The following PPM1L variants were observed in gnomAD, a reference collection of about 807,000 sequenced individuals.
The protein encoded by PPM1L is protein phosphatase 1L.
A neutral mutation model predicts 31.4 loss-of-function variants in PPM1L; 13 were observed. That is an observed-to-expected ratio of 0.41 (90% CI 0.27 to 0.66). The LOEUF (loss-of-function observed/expected upper bound fraction) is 0.66, where lower values mean the gene tolerates loss of function less well. Ranked by LOEUF, PPM1L falls within the 30% of genes least tolerant of loss-of-function variation. PPM1L has a pLI of 0.29. For missense variants in PPM1L, 326 were observed against 453.7 expected (o/e 0.72, Z 2.56); for synonymous variants, 184 against 175.4 (o/e 1.05, Z -0.39).
intron 1 of PPM1L, among the ~76,000 whole-genome samples, chr3:160,901,705 A>G (rs1019907822): frequency 6.6e-6 from 1 of 152,054 alleles, no homozygotes; most frequent in Non-Finnish European, 1.5e-5. Flanking sequence ...ATACTTGTTG[A>G]TGTCTGTGGG....
intron 1 of PPM1L, among the ~76,000 whole-genome samples, chr3:160,786,222 T>A (rs1378476752): frequency 3.3e-5 from 4 of 121,020 alleles, no homozygotes; most frequent in African/African-American, 9.9e-5. Context: ...TTTTTTTTTT[T>A]TTTTTTTTTT....
At chr3:160,824,100 A>G (rs755342678) in intron 1 of PPM1L, among the ~76,000 whole-genome samples, 1 of 152,180 alleles carries the variant, frequency 6.6e-6, no homozygotes, top group Non-Finnish European at 1.5e-5. Flanking sequence ...CCCCAAGGTC[A>G]CGGTATTTGG....
chr3:160,756,238 C>G lies in PPM1L; in HGVS notation c.-71C>G. 6.6e-7 allele frequency: 1 copy of G among 1,524,480 alleles called. No individual in the cohort carries two copies. Among genetic ancestry groups the G allele is most frequent in the Non-Finnish European group, 8.9e-7 (1 of 1,123,822 alleles). The allele number at this position is 1,524,480 out of a possible 1,614,324, so 94.4% of individuals were successfully genotyped here. On this transcript the variant is annotated 5_prime_UTR_variant, in exon 1 of 4. Transcript: ENST00000498165. This position sits in a 1 kb window ranked among gnomAD's most constrained non-coding sequence, Gnocchi z 6.2. The stretch of plus-strand genomic sequence containing the variant: ...CCTCCCTCCCGGCGGGCTGTCCCCG[C>G]AGTGCTCCCGGACCCGGCGAGCCTT...
At chr3:160,795,195 A>C (rs1005574194) in intron 1 of PPM1L, among the ~76,000 whole-genome samples, 6 of 152,210 alleles carry the variant, frequency 3.9e-5, no homozygotes, top group African/African-American at 1.4e-4. Context: ...CCGATCCACC[A>C]ATAAGCATTT....
intron 1 of PPM1L, among the ~76,000 whole-genome samples, chr3:160,833,441 G>A (rs1360864769): frequency 1.3e-5 from 2 of 152,146 alleles, no homozygotes; most frequent in Non-Finnish European, 2.9e-5. Context: ...ACCAGCATCT[G>A]TTGTTTTTTG....
intron 2 of PPM1L, among the ~76,000 whole-genome samples, chr3:161,064,067 C>A (rs1719654134): frequency 1.3e-5 from 2 of 151,602 alleles, no homozygotes; most frequent in Non-Finnish European, 2.9e-5. Context: ...ATACCTAATG[C>A]ATGTAGGGCT....
intron 1 of PPM1L, among the ~76,000 whole-genome samples, chr3:160,907,350 G>C (rs954125153): frequency 6.6e-6 from 1 of 152,174 alleles, no homozygotes; most frequent in South Asian, 2.1e-4. Context: ...CGTATTTTCT[G>C]TTCATTGAAG....
intron 2 of PPM1L, among the ~76,000 whole-genome samples, chr3:161,013,119 G>A (rs1382566875): frequency 6.6e-6 from 1 of 152,090 alleles, no homozygotes; most frequent in African/African-American, 2.4e-5. Flanking sequence ...TGATGTTAGG[G>A]TGTCAATTTT....
chr3:160,825,998 C>A (rs1365353810), intron 1 of PPM1L, among the ~76,000 whole-genome samples: 1 of 152,044 alleles, frequency 6.6e-6, no homozygotes, highest in East Asian at 1.9e-4. Flanking sequence ...CATGGATGCT[C>A]CTCATTGCCT....
At chr3:160,792,637 C>T (rs1220619941) in intron 1 of PPM1L, among the ~76,000 whole-genome samples, 2 of 152,212 alleles carry the variant, frequency 1.3e-5, no homozygotes, top group African/African-American at 2.4e-5. Context: ...AGGTCACAGT[C>T]GTCCCTAAGG....
At chr3:160,791,208 A>G (rs765471578) in intron 1 of PPM1L, among the ~76,000 whole-genome samples, 3 of 152,178 alleles carry the variant, frequency 2.0e-5, no homozygotes, top group Non-Finnish European at 4.4e-5. Flanking sequence ...CATAAAATGA[A>G]CAGTGGGTTT....
chr3:160,918,971 G>A (rs1714289879), intron 1 of PPM1L, among the ~76,000 whole-genome samples: 1 of 152,158 alleles, frequency 6.6e-6, no homozygotes, highest in African/African-American at 2.4e-5. Context: ...AGGAGACCGG[G>A]TTTAAAGTGC....
chr3:160,872,799 C>T (rs113652735), intron 1 of PPM1L, among the ~76,000 whole-genome samples: 77 of 151,992 alleles, frequency 5.1e-4, no homozygotes, highest in Non-Finnish European at 8.7e-4. Context: ...TGGTGGCAGG[C>T]GCCTCTAGTC....
intron 1 of PPM1L, among the ~76,000 whole-genome samples, chr3:160,812,897 A>G (rs1208383578): frequency 1.3e-5 from 2 of 152,240 alleles, no homozygotes; most frequent in Non-Finnish European, 2.9e-5. Context: ...GTCCTTGCCA[A>G]CCTTATAATA....
intron 1 of PPM1L, among the ~76,000 whole-genome samples, chr3:160,870,880 A>ATAG (rs1712279638): frequency 6.6e-6 from 1 of 152,160 alleles, no homozygotes; most frequent in Admixed American, 6.6e-5. Context: ...AATAATAATA[A>ATAG]AAGAGAAGAC....
At position 161,068,760 on chromosome 3, in the gene PPM1L, G is replaced by C. The variant is rs761165100; in HGVS notation, c.737-51G>C. 8.8e-6 allele frequency: 13 copies of C among 1,475,998 alleles called. No individual in the cohort carries two copies. In the South Asian group the frequency reaches 1.5e-4, roughly 17 times the overall value. The allele number at this position is 1,475,998 out of a possible 1,614,324, so 91.4% of individuals were successfully genotyped here. A position where few individuals can be genotyped will look rare whatever the true frequency, so the allele number is the denominator to read the frequency against. On this transcript the variant is annotated intron_variant, in intron 3 of 3. Coordinates refer to ENST00000498165, the MANE Select transcript of PPM1L (RefSeq NM_139245.4). ...TGCGCACGTACCTAGACTATCCCAG[G>C]TAAGTGAGATATCAGCTGGTCAAAC...
At chr3:160,854,524 C>T (rs923853271) in intron 1 of PPM1L, among the ~76,000 whole-genome samples, 11 of 151,998 alleles carry the variant, frequency 7.2e-5, no homozygotes, top group African/African-American at 2.2e-4. Flanking sequence ...GTGCAAAAAT[C>T]GGTAGCATTT....
intron 1 of PPM1L, among the ~76,000 whole-genome samples, chr3:160,855,883 G>T (rs981417142): frequency 1.3e-5 from 2 of 151,990 alleles, no homozygotes; most frequent in African/African-American, 4.8e-5. Context: ...TCTCTAGAGG[G>T]ACAGAACTAA....
At chr3:160,857,804 C>T (rs1711763980) in intron 1 of PPM1L, among the ~76,000 whole-genome samples, 1 of 152,172 alleles carries the variant, frequency 6.6e-6, no homozygotes, top group Admixed American at 6.5e-5. Context: ...ACTCTCTAGC[C>T]CACATTCCCC....
Sources: gnomAD v4.1 joint callset for allele counts (sites outside exome capture counted in the v4.1 genomes callset) on GRCh38, gnomAD v4.1.1 for gene constraint, Gnocchi (gnomAD v3.1) non-coding constraint, MANE v1.5 for transcripts, NCBI Gene and HGNC (gene_info 2026-07-23, HGNC 2026-07-21) for gene names.